Variants in ZNF138 observed in about 807,000 individuals in gnomAD.
ZNF138 encodes zinc finger protein 138.
ZNF138 carries 33 observed loss-of-function variants against 33.0 expected under a neutral mutation model. The ratio of observed to expected loss-of-function variants is 1.00; its 90% CI spans 0.76 to 1.34. The LOEUF (loss-of-function observed/expected upper bound fraction) is 1.34, where lower values mean the gene tolerates loss of function less well. Among genes scored for constraint, ZNF138 ranks in the 40% most tolerant of loss-of-function variants. ZNF138 has a pLI of 0.00. For synonymous variants in ZNF138, 139 were observed against 120.4 expected, an observed-to-expected ratio of 1.15 and a Z score of -1.01; for missense variants, 360 against 370.8, an observed-to-expected ratio of 0.97 and a Z score of 0.24.
chr7:64,854,592 TAGATTAACATGACAAA>T, the ZNF138 span, among the ~76,000 whole-genome samples: 3 of 152,198 alleles, frequency 2.0e-5, no homozygotes, highest in Non-Finnish European at 2.9e-5. Flanking sequence ...TATTTGCTCT[TAGATTAACATGACAAA>T]AGTAACAATT....
chr7:64,802,256 A>G (rs1304657747), intron 1 of ZNF138, among the ~76,000 whole-genome samples: 1 of 152,194 alleles, frequency 6.6e-6, no homozygotes, highest in South Asian at 2.1e-4. Flanking sequence ...GGTTAAGATA[A>G]AGGATTGTGG....
At chr7:64,823,836 G>A (rs958510051) in intron 3 of ZNF138, among the ~76,000 whole-genome samples, 1 of 152,192 alleles carries the variant, frequency 6.6e-6, no homozygotes, top group East Asian at 1.9e-4. Flanking sequence ...TACTCTGGAG[G>A]CTGAGGCAGA....
At chr7:64,808,590 T>TC (rs1458867435) in intron 1 of ZNF138, among the ~76,000 whole-genome samples, 1 of 152,064 alleles carries the variant, frequency 6.6e-6, no homozygotes, top group African/African-American at 2.4e-5. Flanking sequence ...GTTTCTTTTT[T>TC]TTTTAAATTT....
Position 64,832,505 on chromosome 7 carries a change from T to C in ZNF138, c.*303T>C, listed in dbSNP as rs1790178925. ...ATACTGGGGAGAAACCCCACAAATG[T>C]GGAGAATGCGGAAAAGCCTTTAACT... On this transcript the variant is annotated 3_prime_UTR_variant, in exon 4 of 4. Transcript: ENST00000307355. 3.8e-5 allele frequency: 39 copies of C among 1,015,544 alleles called. 1 individual carries two copies. The South Asian group carries it at 5.6e-4, about 15-fold the overall frequency. 62.9% of individuals were successfully genotyped at this position (1,015,544 alleles called of 1,614,324 possible).
At chr7:64,830,368 TTTG>T (rs1222058808) in intron 3 of ZNF138, among the ~76,000 whole-genome samples, 44 of 152,318 alleles carry the variant, frequency 2.9e-4, no homozygotes, top group African/African-American at 9.9e-4. Context: ...TTTCATTGTT[TTTG>T]TTGTTATTCC....
the ZNF138 span, chr7:64,852,274 C>G: frequency 2.9e-6 from 2 of 696,782 alleles, no homozygotes; most frequent in South Asian, 3.4e-5. Context: ...ACAAACTGAC[C>G]TAAGGTCACC....
At chr7:64,823,965 G>A (rs1034257729) in intron 3 of ZNF138, among the ~76,000 whole-genome samples, 3 of 152,042 alleles carry the variant, frequency 2.0e-5, no homozygotes, top group Admixed American at 6.6e-5. Context: ...AATTTAATAC[G>A]GCTTGGTATG....
chr7:64,805,225 C>T (rs913787973), intron 1 of ZNF138, among the ~76,000 whole-genome samples: 4 of 152,022 alleles, frequency 2.6e-5, no homozygotes, highest in African/African-American at 7.2e-5. Context: ...GGTGAAACCC[C>T]GTCTCCACCA....
downstream of ZNF138, chr7:64,836,360 G>A (rs1790365167): frequency 6.6e-6 from 1 of 152,280 alleles, no homozygotes; most frequent in African/African-American, 2.4e-5. Context: ...CACGAGAAGG[G>A]GGAGGACTTG....
chr7:64,799,301 G>A (rs1029197771), intron 1 of ZNF138, among the ~76,000 whole-genome samples: 1 of 151,962 alleles, frequency 6.6e-6, no homozygotes, highest in African/African-American at 2.4e-5. Flanking sequence ...TGAGTAGCTG[G>A]GATTACAGAC....
At chr7:64,835,441 TTA>T (rs1191574002), downstream of ZNF138, 1 of 152,078 alleles carries the variant, frequency 6.6e-6, no homozygotes, top group Admixed American at 6.5e-5. Flanking sequence ...GCAAAACACA[TTA>T]TTATACAGAG....
the ZNF138 span, among the ~76,000 whole-genome samples, chr7:64,856,419 T>TG: frequency 2.9e-3 from 7 of 2,376 alleles, no homozygotes; most frequent in African/African-American, 3.1e-3. Flanking sequence ...GGGAGGGAGG[T>TG]GGGGGGGTCA....
At chr7:64,840,955 T>C in the ZNF138 span, among the ~76,000 whole-genome samples, 2 of 152,140 alleles carry the variant, frequency 1.3e-5, no homozygotes, top group African/African-American at 4.8e-5. Flanking sequence ...ACTTATTAAC[T>C]GAAACTGAAA....
intron 1 of ZNF138, among the ~76,000 whole-genome samples, chr7:64,798,002 T>C (rs931868435): frequency 6.6e-6 from 1 of 152,104 alleles, no homozygotes; most frequent in Non-Finnish European, 1.5e-5. Context: ...GTGCAGTGGC[T>C]GGATATCACC....
At chr7:64,800,071 T>G (rs1041549302) in intron 1 of ZNF138, among the ~76,000 whole-genome samples, 1 of 152,240 alleles carries the variant, frequency 6.6e-6, no homozygotes, top group Admixed American at 6.5e-5. Context: ...TAAAGAACGT[T>G]TCTGTGGAGA....
At chr7:64,813,488 C>T (rs1380947847) in intron 1 of ZNF138, among the ~76,000 whole-genome samples, 1 of 149,504 alleles carries the variant, frequency 6.7e-6, no homozygotes, top group African/African-American at 2.5e-5. Flanking sequence ...GGCTGGAGTG[C>T]AGTGGCGGGA....
chr7:64,803,089 GTTAA>G (rs890651597), intron 1 of ZNF138, among the ~76,000 whole-genome samples: 9 of 152,142 alleles, frequency 5.9e-5, no homozygotes, highest in African/African-American at 1.7e-4. Flanking sequence ...AGGATATTTT[GTTAA>G]TTTATTTTTC....
At chr7:64,807,330 C>T (rs905455219) in intron 1 of ZNF138, among the ~76,000 whole-genome samples, 8 of 152,188 alleles carry the variant, frequency 5.3e-5, no homozygotes, top group African/African-American at 1.7e-4. Flanking sequence ...GGCACTCTGT[C>T]CCTCTTTTTG....
chr7:64,810,484 T>G (rs1038153918), intron 1 of ZNF138, among the ~76,000 whole-genome samples: 1 of 149,708 alleles, frequency 6.7e-6, no homozygotes, highest in Non-Finnish European at 1.5e-5. Context: ...AGCGTATTTC[T>G]GTTTCTTATG....
Sources: gnomAD v4.1 joint callset for allele counts (sites outside exome capture counted in the v4.1 genomes callset) on GRCh38, gnomAD v4.1.1 for gene constraint, MANE v1.5 for transcripts, NCBI Gene and HGNC (gene_info 2026-07-23, HGNC 2026-07-21) for gene names.